The following ZDHHC5 variants were observed in gnomAD, a reference collection of about 807,000 sequenced individuals.
ZDHHC5 encodes the protein zDHHC palmitoyltransferase 5.
Under a neutral mutation model 70.0 loss-of-function variants are expected in ZDHHC5, and 22 were observed. The ratio of observed to expected loss-of-function variants is 0.31; its 90% CI spans 0.22 to 0.45. The LOEUF is 0.45. ZDHHC5 is among the 20% of genes least tolerant of loss of function. The pLI is 1.00. For synonymous variants in ZDHHC5, 313 were observed against 347.8 expected, an observed-to-expected ratio of 0.90 and a Z score of 1.11; for missense variants, 746 against 926.9, an observed-to-expected ratio of 0.80 and a Z score of 2.53.
In ZDHHC5 at chr11:57,700,010, C is replaced by G. The variant is rs1381531396; in HGVS notation, c.2127C>G (p.Thr709=). 1.3e-6 allele frequency: 2 copies of G among 1,597,492 alleles called. No homozygotes were observed. The highest frequency in any genetic ancestry group is 1.7e-6 in the Non-Finnish European group (2 of 1,172,428). ...GVKKVSGVGG[T]TYEISV Reference sequence around the variant, plus strand: ...AGAAGGTGTCAGGGGTTGGTGGTACCACCTATGAGATTTCGGTGTGAGCCT... The same window carrying G: ...AGAAGGTGTCAGGGGTTGGTGGTACGACCTATGAGATTTCGGTGTGAGCCT... The change falls in exon 12 of 12, where the codon ACC becomes ACG. Residue 709 remains threonine (T), a synonymous_variant. Transcript: ENST00000287169.
intron 7 of ZDHHC5, 145 bp from the exon 8 acceptor site, chr11:57,693,638 A>G (rs537929780): frequency 6.3e-6 from 8 of 1,262,356 alleles, no homozygotes; most frequent in Non-Finnish European, 8.4e-6. Flanking sequence ...AATTCTGTTT[A>G]TTGCTAAGTA....
chr11:57,672,522 T>C lies in ZDHHC5; in HGVS notation c.-569T>C, dbSNP rs986799570. The C allele has an allele frequency of 3.0e-6, 1 of 328,300 alleles. No individual in the cohort carries two copies. Among genetic ancestry groups the C allele is most frequent in the African/African-American group, 2.1e-5 (1 of 47,206 alleles). The allele number at this position is 328,300 out of a possible 1,614,324, so 20.3% of individuals were successfully genotyped here. On this transcript the variant is annotated 5_prime_UTR_variant, in exon 2 of 12. Transcript: ENST00000287169. ...AGTAAACAAAGCTCCTCTTTAAAGTTGGAAGGGGCCTCAGGTTCCTTCTTG... is the reference window on the plus strand; with the variant it reads ...AGTAAACAAAGCTCCTCTTTAAAGTCGGAAGGGGCCTCAGGTTCCTTCTTG...
In ZDHHC5 at chr11:57,687,822, G is replaced by A. The variant is rs1946229464; in HGVS notation, c.227-686G>A. Among the ~76,000 whole-genome samples the A allele has an allele frequency of 3.1e-5, 4 of 128,304 alleles. No homozygotes were observed. In the South Asian group the frequency reaches 1.1e-3, roughly 36 times the overall value. 84.2% of individuals were successfully genotyped at this position (128,304 alleles called of 152,430 possible). On this transcript the variant is annotated intron_variant, in intron 3 of 11. Coordinates refer to ENST00000287169, the MANE Select transcript of ZDHHC5 (RefSeq NM_015457.3). ...GTCTTGCTGTGTTGCCCAGGCTTGA[G>A]TGCAGTGGCGTGATCTCAGCTCACT...
In ZDHHC5 at chr11:57,693,777, A is replaced by C; in HGVS notation, c.753-6A>C. ...TGTCTCTCTCTCTCTCTCTCTCGAC[A>C]CTTAGGTATTTGGGGAGACCAAAGA... On this transcript the variant is annotated splice_region_variant and splice_polypyrimidine_tract_variant and intron_variant, in intron 7 of 11. Transcript: ENST00000287169. The C allele has an allele frequency of 6.4e-7, 1 of 1,555,480 alleles. No individual in the cohort carries two copies. The highest frequency in any genetic ancestry group is 8.7e-7 in the Non-Finnish European group (1 of 1,150,552).
intron 7 of ZDHHC5, 89 bp from the exon 8 acceptor site, chr11:57,693,694 A>T: frequency 1.4e-6 from 2 of 1,438,198 alleles, no homozygotes; most frequent in Non-Finnish European, 1.8e-6. Context: ...CCTAATAAAA[A>T]TGGTTTACAG....
chr11:57,676,732 C>G (rs1341206626), intron 2 of ZDHHC5, among the ~76,000 whole-genome samples: 1 of 151,800 alleles, frequency 6.6e-6, no homozygotes, highest in Admixed American at 6.6e-5. Flanking sequence ...TTGGTATCGC[C>G]TCTTTACCGT....
chr11:57,696,747 C>CT lies in ZDHHC5; in HGVS notation c.1010-8dup. ...GCTTGTAAAATAGTGCCCCCTTGGC[C>CT]TTTTTTCTTGCAGATAGTAGCTTAT... On this transcript the variant is annotated splice_polypyrimidine_tract_variant and intron_variant, in intron 9 of 11. Coordinates refer to ENST00000287169, the MANE Select transcript of ZDHHC5 (RefSeq NM_015457.3). 1 of 1,612,420 alleles carries CT rather than the reference C, an allele frequency of 6.2e-7. No individual in the cohort carries two copies.
At chr11:57,693,984 G>T in intron 8 of ZDHHC5, 69 bp downstream of exon 8, 2 of 1,486,162 alleles carry the variant, frequency 1.3e-6, no homozygotes, top group Admixed American at 2.5e-5. Flanking sequence ...ACGGAAGCTT[G>T]CTTTAGTTTC....
intron 7 of ZDHHC5, among the ~76,000 whole-genome samples, chr11:57,692,980 T>C (rs1044033490): frequency 5.3e-5 from 8 of 151,818 alleles, no homozygotes; most frequent in African/African-American, 1.7e-4. Flanking sequence ...TGGGGTGGGG[T>C]GGTTTCAGGA....
chr11:57,698,606 C>T lies in ZDHHC5; in HGVS notation c.1170C>T (p.Ser390=), dbSNP rs1285613445. 7 of 1,613,218 alleles carry T rather than the reference C, an allele frequency of 4.3e-6. No homozygotes were observed. In the Admixed American group the frequency reaches 1.2e-4, roughly 27 times the overall value. ...AGGAGCCAACCTCAATTGCAGAGAG[C>T]AGCCGTCACCCCAGCTACCGCTCAG... ...SLKEPTSIAE[S]SRHPSYRSEP... is the part of the protein sequence containing the mutation. The change falls in exon 11 of 12, where the codon AGC becomes AGT. Residue 390 remains serine (S), a synonymous_variant. Coordinates refer to ENST00000287169, the MANE Select transcript of ZDHHC5 (RefSeq NM_015457.3).
At chr11:57,679,733 C>G (rs1426219088) in intron 2 of ZDHHC5, among the ~76,000 whole-genome samples, 2 of 152,104 alleles carry the variant, frequency 1.3e-5, no homozygotes, top group East Asian at 1.9e-4. Flanking sequence ...ACCTAGGAAT[C>G]TGGCAAAGTA....
At chr11:57,670,586 A>C (rs780480132) in intron 1 of ZDHHC5, among the ~76,000 whole-genome samples, 1 of 152,186 alleles carries the variant, frequency 6.6e-6, no homozygotes, top group Non-Finnish European at 1.5e-5. Context: ...ACTGAGAGTT[A>C]AATAATCATT....
chr11:57,674,684 T>C (rs1246000035), intron 2 of ZDHHC5, among the ~76,000 whole-genome samples: 1 of 152,224 alleles, frequency 6.6e-6, no homozygotes, highest in Non-Finnish European at 1.5e-5. Flanking sequence ...ACTCCCCATA[T>C]TTAGCTTTAG....
At chr11:57,697,642 C>CAAA (rs35869929) in intron 10 of ZDHHC5, among the ~76,000 whole-genome samples, 4 of 85,692 alleles carry the variant, frequency 4.7e-5, no homozygotes, top group African/African-American at 1.9e-4. Context: ...GAGTCCATCT[C>CAAA]AAAAAAAAAA....
chr11:57,686,847 T>C (rs1225364746), intron 3 of ZDHHC5, among the ~76,000 whole-genome samples: 1 of 151,340 alleles, frequency 6.6e-6, no homozygotes, highest in Non-Finnish European at 1.5e-5. Context: ...TTTTTTTTTT[T>C]CCAGACAGTG....
At chr11:57,668,235 A>G (rs1474983793) in intron 1 of ZDHHC5, 48 bp downstream of exon 1, 1 of 351,568 alleles carries the variant, frequency 2.8e-6, no homozygotes, top group Non-Finnish European at 5.1e-6. Flanking sequence ...GTGCCGTACC[A>G]GCGAGGTGGG....
rs563009033 is a variant in ZDHHC5, at chr11:57,699,091, G to A, written c.1655G>A (p.Arg552His). The change falls in exon 11 of 12, where the codon CGC becomes CAC. Residue 552 changes from arginine (R) to histidine (H), a missense_variant. By Grantham distance (29) the Arg-to-His change is conservative (BLOSUM62 0). Around this residue, in one of 6 missense-constraint regions of ZDHHC5, gnomAD observed 340 missense variants for 350.1 expected, o/e 0.97. Coordinates refer to ENST00000287169, the MANE Select transcript of ZDHHC5 (RefSeq NM_015457.3). ...CTCCAGGAACGAGAGAAGTTGCTGC[G>A]CCAGTCACCCCCACTCCCGGGCCGT... ...ASLQEREKLLRQSPPLPGREE... is the reference protein window; with the variant it reads ...ASLQEREKLLHQSPPLPGREE... 7 of 1,613,668 alleles carry A rather than the reference G, an allele frequency of 4.3e-6. No homozygotes were observed. In the Admixed American group the frequency reaches 5.0e-5, roughly 12 times the overall value.
chr11:57,677,770 G>A (rs887692993), intron 2 of ZDHHC5, among the ~76,000 whole-genome samples: 1 of 152,032 alleles, frequency 6.6e-6, no homozygotes, highest in Non-Finnish European at 1.5e-5. Context: ...CCCCTCCCCC[G>A]TAACTGCAGA....
At chr11:57,688,475 T>C (rs1314716133) in intron 3 of ZDHHC5, 33 bp from the exon 4 acceptor site, 17 of 1,515,122 alleles carry the variant, frequency 1.1e-5, no homozygotes, top group Non-Finnish European at 1.5e-5. Flanking sequence ...AGTTCTGGCA[T>C]AGTTGTTTTT....
Sources: allele counts gnomAD v4.1 joint callset (sites outside exome capture counted in the v4.1 genomes callset), GRCh38; gene constraint gnomAD v4.1.1; regional missense constraint gnomAD v4.1.1; transcripts MANE v1.5; gene names NCBI Gene and HGNC (gene_info 2026-07-23, HGNC 2026-07-21).